CACNG5: variants seen among roughly 807,000 people sequenced by gnomAD.
The protein encoded by CACNG5 is voltage-dependent calcium channel gamma-5 subunit.
In CACNG5, 18 loss-of-function variants were observed where a neutral mutation model predicts 24.8. The observed-to-expected ratio is 0.73, with a 90% CI of 0.50 to 1.08. The LOEUF (loss-of-function observed/expected upper bound fraction) is 1.08. Among genes scored for constraint, CACNG5 ranks in the 50% least tolerant of loss-of-function variants. The probability of loss-of-function intolerance (pLI) is 0.00; values close to 1 mark genes in which losing one functional copy is unlikely to be tolerated. For synonymous variants in CACNG5, 157 were observed against 149.1 expected (o/e 1.05, Z -0.39); for missense variants, 349 against 367.9 (o/e 0.95, Z 0.42).
chr17:66,873,648 T>C (rs1200703575), intron 1 of CACNG5, among the ~76,000 whole-genome samples: 1 of 152,182 alleles, frequency 6.6e-6, no homozygotes, highest in Admixed American at 6.5e-5. Flanking sequence ...AACAATACCT[T>C]ATACCAGGAT....
rs758838673 is a variant in CACNG5 at position 66,884,547 on chromosome 17, C to A, written c.456C>A (p.Tyr152Ter). Residue 152 changes from tyrosine (Y) to a stop codon, truncating the protein, a stop_gained, in exon 5 of 6, where the codon TAC (tyrosine) becomes TAA (stop). Transcript: ENST00000533854. LOFTEE classifies it high-confidence loss of function. ...CTCTCGTGGTGGGCCTGGTGCTCTACATCTCCAGCATCAACGATGAGATGC... is the reference window on the plus strand; with the variant it reads ...CTCTCGTGGTGGGCCTGGTGCTCTAAATCTCCAGCATCAACGATGAGATGC... ...GLSLVVGLVL[Y>*]ISSINDEMLN... 1 of 1,613,726 alleles carries A rather than the reference C, an allele frequency of 6.2e-7. No individual in the cohort carries two copies. The highest frequency in any genetic ancestry group is 1.7e-5 in the Admixed American group (1 of 60,004).
chr17:66,879,565 G>T (rs1237890886), intron 3 of CACNG5, among the ~76,000 whole-genome samples: 1 of 152,148 alleles, frequency 6.6e-6, no homozygotes, highest in Non-Finnish European at 1.5e-5. Context: ...TTGCAAAAAT[G>T]ACTCACAGAA....
chr17:66,849,851 G>A lies in CACNG5; in HGVS notation c.-104+14601G>A, dbSNP rs888363768. Among the ~76,000 whole-genome samples the A allele has an allele frequency of 2.6e-5, 4 of 152,206 alleles. No individual in the cohort carries two copies. In the East Asian group the frequency reaches 7.7e-4, roughly 29 times the overall value. ...CTGTGACGTATCCTTTCTCCCTCTT[G>A]CCTGATGATTCTGCCGTTGCCTTTC... On this transcript the variant is annotated intron_variant, in intron 1 of 5. Transcript: ENST00000533854.
rs1464956072 is a variant in CACNG5, at chr17:66,894,488, A to C, written c.*9248A>C. ...TGTCCTGGGCTGTTTCTCCGGTGTG[A>C]TTTCATTTTATTTGCTTTGAATCCT... On this transcript the variant is annotated 3_prime_UTR_variant, in exon 6 of 6. Transcript: ENST00000533854. Among the ~76,000 whole-genome samples, 3 of 151,890 alleles carry C rather than the reference A, an allele frequency of 2.0e-5. No individual in the cohort carries two copies. The highest frequency in any genetic ancestry group is 7.3e-5 in the African/African-American group (3 of 41,322).
intron 1 of CACNG5, among the ~76,000 whole-genome samples, chr17:66,876,463 C>T (rs899756591): frequency 3.3e-5 from 5 of 152,214 alleles, no homozygotes; most frequent in African/African-American, 1.2e-4. Context: ...GCAGGTGGGG[C>T]TTGTGGTTGA....
rs200393400 is a variant in CACNG5 at position 66,851,303 on chromosome 17, CA to C, written c.-104+16054del. ...GGATTGATGGAACTTCTAGCTCACC[CA>C]GCTGAATCAAATCCAAAACCACTTT... On this transcript the variant is annotated intron_variant, in intron 1 of 5. Coordinates refer to ENST00000533854, the MANE Select transcript of CACNG5 (RefSeq NM_145811.3). Among the ~76,000 whole-genome samples, 972 of 152,312 alleles carry C rather than the reference CA, an allele frequency of 6.4e-3. 13 individuals carry two copies. Among genetic ancestry groups the C allele is most frequent in the African/African-American group, 0.022 (915 of 41,556 alleles).
chr17:66,845,640 C>T lies in CACNG5; in HGVS notation c.-104+10390C>T, dbSNP rs373278898. 5.9e-5 allele frequency among the ~76,000 whole-genome samples: 9 copies of T among 152,272 alleles called. No homozygotes were observed. In the South Asian group the frequency reaches 1.9e-3, roughly 32 times the overall value. ...GCCAACTTGCCCCCTGCACTGCCAA[C>T]ATCGGTGCCTTCCCAGCTACCCCAC... On this transcript the variant is annotated intron_variant, in intron 1 of 5. Transcript: ENST00000533854.
chr17:66,845,877 C>G (rs1976633294), intron 1 of CACNG5, among the ~76,000 whole-genome samples: 1 of 152,156 alleles, frequency 6.6e-6, no homozygotes, highest in Non-Finnish European at 1.5e-5. Context: ...GTCTTGTCTC[C>G]ATCCACTCTG....
intron 1 of CACNG5, among the ~76,000 whole-genome samples, chr17:66,838,131 G>A (rs1179947092): frequency 4.6e-5 from 7 of 151,954 alleles, no homozygotes; most frequent in East Asian, 1.9e-4. Context: ...GCCTGGTCAC[G>A]CTGGCTGTTT....
chr17:66,878,351 G>A (rs957151413), intron 2 of CACNG5, among the ~76,000 whole-genome samples: 1 of 152,210 alleles, frequency 6.6e-6, no homozygotes, highest in Admixed American at 6.5e-5. Flanking sequence ...ACACAGTTTG[G>A]CTCTCCCAGC....
At chr17:66,865,631 T>A (rs1976917855) in intron 1 of CACNG5, among the ~76,000 whole-genome samples, 1 of 107,688 alleles carries the variant, frequency 9.3e-6, no homozygotes, top group Non-Finnish European at 1.9e-5. Flanking sequence ...CTGACAAAAT[T>A]TCTTTTTTTT....
At chr17:66,848,183 C>A (rs1374257286) in intron 1 of CACNG5, among the ~76,000 whole-genome samples, 1 of 152,214 alleles carries the variant, frequency 6.6e-6, no homozygotes, top group African/African-American at 2.4e-5. Context: ...GACAGCCCAG[C>A]CCTCCGTGAC....
At chr17:66,841,753 C>A (rs565933911) in intron 1 of CACNG5, among the ~76,000 whole-genome samples, 1 of 152,330 alleles carries the variant, frequency 6.6e-6, no homozygotes, top group East Asian at 1.9e-4. Context: ...TGCTTTCCAT[C>A]TGTAAAAGGA....
At chr17:66,871,077 G>A (rs879096402) in intron 1 of CACNG5, among the ~76,000 whole-genome samples, 4 of 152,104 alleles carry the variant, frequency 2.6e-5, no homozygotes, top group South Asian at 2.1e-4. Context: ...CAGGGCCCCC[G>A]CCTCTCAGTG....
chr17:66,877,580 C>T (rs755135270), intron 2 of CACNG5, 52 bp downstream of exon 2: 52 of 1,477,120 alleles, frequency 3.5e-5, no homozygotes, highest in Admixed American at 5.2e-5. Flanking sequence ...TCACCTGCCC[C>T]AAGAGGTCCC....
chr17:66,844,378 T>C (rs141288573), intron 1 of CACNG5, among the ~76,000 whole-genome samples: 29 of 152,268 alleles, frequency 1.9e-4, no homozygotes, highest in African/African-American at 7.0e-4. Flanking sequence ...AGGTGAGTCA[T>C]TTTACCTCTT....
chr17:66,880,406 C>T (rs1977139731), intron 3 of CACNG5, 151 bp from the exon 4 acceptor site: 2 of 857,588 alleles, frequency 2.3e-6, no homozygotes, highest in Admixed American at 5.6e-5. Flanking sequence ...GATCCCCAGG[C>T]CACCTGATGG....
intron 1 of CACNG5, among the ~76,000 whole-genome samples, chr17:66,860,748 G>A (rs1274820846): frequency 6.6e-6 from 1 of 152,170 alleles, no homozygotes; most frequent in African/African-American, 2.4e-5. Flanking sequence ...TGTAGATCAA[G>A]CTTGTCCAAC....
At chr17:66,869,699 T>C (rs879379761) in intron 1 of CACNG5, among the ~76,000 whole-genome samples, 3 of 152,180 alleles carry the variant, frequency 2.0e-5, no homozygotes, top group Admixed American at 2.0e-4. Context: ...GCCTGGAATT[T>C]ATATCACATC....
Sources: gnomAD v4.1 joint callset for allele counts (sites outside exome capture counted in the v4.1 genomes callset) on GRCh38, gnomAD v4.1.1 for gene constraint, MANE v1.5 for transcripts, NCBI Gene and HGNC (gene_info 2026-07-23, HGNC 2026-07-21) for gene names.